The following PPP2R2C variants were observed in gnomAD, a reference collection of about 807,000 sequenced individuals.
PPP2R2C encodes the protein protein phosphatase 2, regulatory subunit B, gamma.
PPP2R2C carries 10 observed loss-of-function variants against 45.3 expected under a neutral mutation model. The observed-to-expected ratio is 0.22, with a 90% confidence interval of 0.14 to 0.37. PPP2R2C has a LOEUF of 0.37. Ranked by LOEUF, PPP2R2C falls within the 10% of genes least tolerant of loss-of-function variation. The pLI is 1.00. For missense variants in PPP2R2C, 308 were observed against 619.7 expected (o/e 0.50, Z 5.34); for synonymous variants, 257 against 245.4 (o/e 1.05, Z -0.44).
intron 1 of PPP2R2C, among the ~76,000 whole-genome samples, chr4:6,427,081 A>T (rs1160470274): frequency 1.3e-5 from 2 of 152,224 alleles, no homozygotes; most frequent in Admixed American, 1.3e-4. Flanking sequence ...TGGCAACGCC[A>T]TGTGCCAATG....
intron 5 of PPP2R2C, 151 bp downstream of exon 5, chr4:6,372,372 C>T (rs1404327954): frequency 1.3e-6 from 1 of 786,240 alleles, no homozygotes; most frequent in Non-Finnish European, 2.0e-6. Context: ...CTGGGCCTCA[C>T]ACGCATACTA....
In PPP2R2C at chr4:6,330,130, C is replaced by A. The variant is rs1419485839; in HGVS notation, c.961-777G>T. 3.3e-5 allele frequency among the ~76,000 whole-genome samples: 5 copies of A among 152,264 alleles called. No individual in the cohort carries two copies. Among genetic ancestry groups the A allele is most frequent in the African/African-American group, 1.2e-4 (5 of 41,550 alleles). On this transcript the variant is annotated intron_variant, in intron 7 of 8. Transcript: ENST00000382599. This position sits in a 1 kb window ranked among gnomAD's most constrained non-coding sequence, Gnocchi z 7.0. ...TACCCCACAGGAGAGAGGGTGACAC[C>A]CCAGGACCTGCATCCACCTGACTGC...
chr4:6,467,615 T>C (rs937975230), intron 1 of PPP2R2C, among the ~76,000 whole-genome samples: 3 of 152,190 alleles, frequency 2.0e-5, no homozygotes, highest in African/African-American at 7.2e-5. Context: ...CTGGGTTTTA[T>C]GTATCTCGAG....
intron 1 of PPP2R2C, among the ~76,000 whole-genome samples, chr4:6,416,724 G>A (rs1718609575): frequency 6.6e-6 from 1 of 152,210 alleles, no homozygotes; most frequent in African/African-American, 2.4e-5. Flanking sequence ...CAGCAGCACT[G>A]GGCTCTGAGT....
chr4:6,378,147 TGA>T lies in PPP2R2C; in HGVS notation c.334+258_334+259del, dbSNP rs1715490786. ...CCTGTGTCTGGCCATGGGGAGCTTCTGAGAGGGTCTGGCATACTCACTCATGG... is the reference window on the plus strand; with the variant it reads ...CCTGTGTCTGGCCATGGGGAGCTTCTGAGGGTCTGGCATACTCACTCATGG... On this transcript the variant is annotated intron_variant, in intron 3 of 8. Coordinates refer to ENST00000382599, the MANE Select transcript of PPP2R2C (RefSeq NM_020416.4). This position sits in a 1 kb window ranked among gnomAD's most constrained non-coding sequence, Gnocchi z 5.2. Among the ~76,000 whole-genome samples, 1 of 152,082 alleles carries T rather than the reference TGA, an allele frequency of 6.6e-6. No homozygotes were observed. The highest frequency in any genetic ancestry group is 1.5e-5 in the Non-Finnish European group (1 of 67,998).
rs201011458 is a variant in PPP2R2C, at chr4:6,347,797, G to A, written c.790+49C>T. ...TGCACCAGGACAGGACATCCCACCC[G>A]CCCGCCTGCCCAATGCACAGCCCCC... On this transcript the variant is annotated intron_variant, in intron 6 of 8. Coordinates refer to ENST00000382599, the MANE Select transcript of PPP2R2C (RefSeq NM_020416.4). 78 of 603,804 alleles carry A rather than the reference G, an allele frequency of 1.3e-4. No homozygotes were observed. The African/African-American group carries it at 1.7e-3, about 13-fold the overall frequency. 37.4% of individuals were successfully genotyped at this position (603,804 alleles called of 1,614,324 possible).
chr4:6,334,150 T>C (rs773728293), intron 6 of PPP2R2C, among the ~76,000 whole-genome samples: 1 of 152,172 alleles, frequency 6.6e-6, no homozygotes, highest in Non-Finnish European at 1.5e-5. Context: ...GGGCACTGCT[T>C]GTGGCTCTGG....
At chr4:6,371,779 T>G (rs942443079) in intron 5 of PPP2R2C, among the ~76,000 whole-genome samples, 6 of 152,196 alleles carry the variant, frequency 3.9e-5, no homozygotes, top group Admixed American at 2.0e-4. Flanking sequence ...GAATGCTTGT[T>G]GATGTTAGTC....
At chr4:6,499,798 C>T (rs370767800) in intron 2 of PPP2R2C, among the ~76,000 whole-genome samples, 106 of 152,032 alleles carry the variant, frequency 7.0e-4, no homozygotes, top group African/African-American at 2.4e-3. Flanking sequence ...CCCCAGACAC[C>T]TGCTGGGCTC....
Position 6,331,175 on chromosome 4 carries a change from C to T in PPP2R2C, c.961-1822G>A, listed in dbSNP as rs193089441. Among the ~76,000 whole-genome samples, 42 of 152,306 alleles carry T rather than the reference C, an allele frequency of 2.8e-4. No homozygotes were observed. The highest frequency in any genetic ancestry group is 6.5e-4 in the African/African-American group (27 of 41,552). On this transcript the variant is annotated intron_variant, in intron 7 of 8. Transcript: ENST00000382599. The surrounding 1 kb of genome is among the most constrained non-coding windows in gnomAD (Gnocchi z 5.9). ...CTCCCAGCAGCCTTGGTGATGCACG[C>T]GTCCAAATGCGCATGCTGTTCTCTC...
chr4:6,454,145 G>T (rs1720887567), intron 1 of PPP2R2C, among the ~76,000 whole-genome samples: 1 of 152,186 alleles, frequency 6.6e-6, no homozygotes, highest in Non-Finnish European at 1.5e-5. Flanking sequence ...CGGGGCAGTG[G>T]CTCCAAGGTC....
In PPP2R2C at chr4:6,324,267, A is replaced by G. The variant is rs1731762618; in HGVS notation, c.1053-674T>C. On this transcript the variant is annotated intron_variant, in intron 8 of 8. Transcript: ENST00000382599. The surrounding 1 kb of genome is among the most constrained non-coding windows in gnomAD (Gnocchi z 4.1). Reference sequence around the variant, plus strand: ...GCCAACATGATGAAACCCTGTCTCTACTAAAAATACAAAAATTAGCTGGAC... The same window carrying G: ...GCCAACATGATGAAACCCTGTCTCTGCTAAAAATACAAAAATTAGCTGGAC... 1.3e-5 allele frequency among the ~76,000 whole-genome samples: 2 copies of G among 152,224 alleles called. No individual in the cohort carries two copies. The highest frequency in any genetic ancestry group is 4.8e-5 in the African/African-American group (2 of 41,532).
At chr4:6,365,901 G>A (rs575773863) in intron 5 of PPP2R2C, among the ~76,000 whole-genome samples, 5 of 152,304 alleles carry the variant, frequency 3.3e-5, no homozygotes, top group South Asian at 4.1e-4. Context: ...AGGTCCATCC[G>A]CTGAGACCTC....
chr4:6,496,861 C>CT (rs1387365833), intron 2 of PPP2R2C, among the ~76,000 whole-genome samples: 4 of 26,766 alleles, frequency 1.5e-4, no homozygotes, highest in Middle Eastern at 0.021. Context: ...AACTCCATCT[C>CT]AAAATAAATA....
intron 6 of PPP2R2C, among the ~76,000 whole-genome samples, chr4:6,336,689 C>T (rs1249640623): frequency 3.6e-5 from 1 of 27,534 alleles, no homozygotes; most frequent in Non-Finnish European, 7.3e-5. Flanking sequence ...CCCTCCCTCC[C>T]TGCTTCCATC....
At chr4:6,461,406 C>G (rs1721314297) in intron 1 of PPP2R2C, among the ~76,000 whole-genome samples, 1 of 152,208 alleles carries the variant, frequency 6.6e-6, no homozygotes, top group Non-Finnish European at 1.5e-5. Context: ...CAGCCAGGGA[C>G]TACATTTCCT....
At chr4:6,513,237 T>A (rs75240215) in intron 2 of PPP2R2C, among the ~76,000 whole-genome samples, 2,452 of 152,280 alleles carry the variant, frequency 0.016, 66 homozygotes, top group African/African-American at 0.056. Flanking sequence ...TATTAATGAA[T>A]AAATTACAGC....
intron 5 of PPP2R2C, among the ~76,000 whole-genome samples, chr4:6,369,672 G>A (rs1054043294): frequency 1.3e-5 from 2 of 152,134 alleles, no homozygotes; most frequent in African/African-American, 4.8e-5. Context: ...TCCGCCTCCT[G>A]CACACCCATG....
intron 1 of PPP2R2C, among the ~76,000 whole-genome samples, chr4:6,560,880 A>G (rs888206168): frequency 5.4e-4 from 82 of 152,194 alleles, no homozygotes; most frequent in African/African-American, 1.9e-3. Context: ...CACCTCCCCA[A>G]CCTGGGTTCT....
Sources: gnomAD v4.1 joint callset for allele counts (sites outside exome capture counted in the v4.1 genomes callset) on GRCh38, gnomAD v4.1.1 for gene constraint, Gnocchi (gnomAD v3.1) non-coding constraint, MANE v1.5 for transcripts, NCBI Gene and HGNC (gene_info 2026-07-23, HGNC 2026-07-21) for gene names.